Variants in B3GALT1 observed in about 807,000 individuals in gnomAD.
B3GALT1 encodes the protein UDP-Gal:betaGlcNAc beta 1,3-galactosyltransferase, polypeptide 1.
In B3GALT1, 10 loss-of-function variants were observed where a neutral mutation model predicts 23.2. The observed-to-expected ratio is 0.43, with a 90% confidence interval of 0.27 to 0.73. The LOEUF (loss-of-function observed/expected upper bound fraction) is 0.73, where lower values mean the gene tolerates loss of function less well. Among genes scored for constraint, B3GALT1 ranks in the 30% least tolerant of loss-of-function variants. The pLI is 0.21. For synonymous variants in B3GALT1, 156 were observed against 141.5 expected (o/e 1.10, Z -0.73); for missense variants, 299 against 405.4 (o/e 0.74, Z 2.25).
intron 4 of B3GALT1, among the ~76,000 whole-genome samples, chr2:167,822,946 C>A (rs1204142625): frequency 6.6e-6 from 1 of 152,192 alleles, no homozygotes; most frequent in African/African-American, 2.4e-5. Flanking sequence ...TATAGATAGA[C>A]CGCATTTCCT....
chr2:167,488,337 T>C (rs1242116641), intron 1 of B3GALT1, among the ~76,000 whole-genome samples: 1 of 152,234 alleles, frequency 6.6e-6, no homozygotes, highest in Non-Finnish European at 1.5e-5. Context: ...TCTACTTTAA[T>C]TGTCTGTTTT....
chr2:167,456,003 T>C (rs1429723139), intron 1 of B3GALT1, among the ~76,000 whole-genome samples: 1 of 152,054 alleles, frequency 6.6e-6, no homozygotes, highest in African/African-American at 2.4e-5. Context: ...AAATGAGCAG[T>C]TGGATATAAG....
chr2:167,467,522 T>C (rs1183596705), intron 1 of B3GALT1, among the ~76,000 whole-genome samples: 1 of 152,178 alleles, frequency 6.6e-6, no homozygotes, highest in Non-Finnish European at 1.5e-5. Context: ...TTTTGTTTTG[T>C]CCTGTCAGCC....
intron 2 of B3GALT1, among the ~76,000 whole-genome samples, chr2:167,545,021 G>GTTTTTTT (rs1558899469): frequency 5.1e-5 from 4 of 78,194 alleles, no homozygotes; most frequent in African/African-American, 2.3e-4. Flanking sequence ...TGGCTTGGGT[G>GTTTTTTT]TCTTTTTTTT....
rs1264021299 is a variant in B3GALT1 at position 167,873,439 on chromosome 2, CTATT to C, written c.*3422_*3425del. Reference sequence around the variant, plus strand: ...CGTGACACGATATGGGGAAAATAAACTATTTACAGAGGAGCCAAGGAAGAAGTTT... The same window carrying C: ...CGTGACACGATATGGGGAAAATAAACTACAGAGGAGCCAAGGAAGAAGTTT... On this transcript the variant is annotated 3_prime_UTR_variant, in exon 5 of 5. Coordinates refer to ENST00000392690, the MANE Select transcript of B3GALT1 (RefSeq NM_020981.4). 6.6e-6 allele frequency: 1 copy of C among 152,056 alleles called. No homozygotes were observed. The highest frequency in any genetic ancestry group is 6.5e-5 in the Admixed American group (1 of 15,274). The allele number at this position is 152,056 out of a possible 1,614,324, so 9.4% of individuals were successfully genotyped here.
intron 1 of B3GALT1, among the ~76,000 whole-genome samples, chr2:167,358,511 T>C (rs762208072): frequency 6.6e-5 from 10 of 152,292 alleles, no homozygotes; most frequent in Non-Finnish European, 1.2e-4. Flanking sequence ...TATCCAATTT[T>C]GTTGAGCATG....
intron 2 of B3GALT1, among the ~76,000 whole-genome samples, chr2:167,572,065 G>A (rs1316466044): frequency 6.6e-6 from 1 of 151,456 alleles, no homozygotes; most frequent in African/African-American, 2.4e-5. Context: ...TCTAAGTCTT[G>A]GCCAACATCA....
chr2:167,446,308 A>G (rs1698990837), intron 1 of B3GALT1, among the ~76,000 whole-genome samples: 2 of 151,830 alleles, frequency 1.3e-5, no homozygotes, highest in Non-Finnish European at 2.9e-5. Context: ...TTTTTCCTTC[A>G]CTTCAACTTT....
chr2:167,726,709 A>T (rs1687322469), intron 3 of B3GALT1, among the ~76,000 whole-genome samples: 1 of 152,216 alleles, frequency 6.6e-6, no homozygotes. Flanking sequence ...AATTAATAAC[A>T]TGTCTAATTT....
chr2:167,352,158 G>A (rs1008898257), intron 1 of B3GALT1, among the ~76,000 whole-genome samples: 2 of 148,846 alleles, frequency 1.3e-5, no homozygotes, highest in African/African-American at 5.0e-5. Flanking sequence ...TCGTAGAGAA[G>A]GGGTTTCCCC....
chr2:167,456,054 T>G (rs952302766), intron 1 of B3GALT1, among the ~76,000 whole-genome samples: 1 of 152,144 alleles, frequency 6.6e-6, no homozygotes, highest in African/African-American at 2.4e-5. Context: ...TCTGCATTGC[T>G]GTAGGGAATG....
At chr2:167,714,759 T>C in intron 3 of B3GALT1, 1 of 1,613,858 alleles carries the variant, frequency 6.2e-7, no homozygotes, top group Admixed American at 1.7e-5. Context: ...TCAAGATCTT[T>C]GGCTAGCTTT....
At chr2:167,454,636 G>T (rs1222455248) in intron 1 of B3GALT1, among the ~76,000 whole-genome samples, 1 of 152,082 alleles carries the variant, frequency 6.6e-6, no homozygotes, top group African/African-American at 2.4e-5. Context: ...CTGGAAAACT[G>T]AGTATGCTAA....
chr2:167,636,479 T>C (rs1685558640), intron 2 of B3GALT1, among the ~76,000 whole-genome samples: 1 of 152,060 alleles, frequency 6.6e-6, no homozygotes, highest in Non-Finnish European at 1.5e-5. Flanking sequence ...GCCATCCCAT[T>C]ACTGGGTATA....
At chr2:167,443,103 T>C (rs1574080590) in intron 1 of B3GALT1, among the ~76,000 whole-genome samples, 1 of 152,006 alleles carries the variant, frequency 6.6e-6, no homozygotes, top group African/African-American at 2.4e-5. Context: ...GGCTAGCCAG[T>C]TTTCCCAGCA....
chr2:167,334,021 CA>C (rs1697017375), intron 1 of B3GALT1, among the ~76,000 whole-genome samples: 2 of 151,966 alleles, frequency 1.3e-5, no homozygotes. Context: ...AACTTTTATT[CA>C]AGTTCTTTTT....
chr2:167,387,157 G>A (rs889026518), intron 1 of B3GALT1, among the ~76,000 whole-genome samples: 4 of 152,152 alleles, frequency 2.6e-5, no homozygotes, highest in African/African-American at 7.2e-5. Flanking sequence ...AAAAGATATG[G>A]TAGGCTGTCA....
intron 4 of B3GALT1, among the ~76,000 whole-genome samples, chr2:167,857,095 T>C (rs1016516211): frequency 6.6e-6 from 1 of 152,142 alleles, no homozygotes; most frequent in Non-Finnish European, 1.5e-5. Context: ...CCACCAGTTT[T>C]CTGTTGACTG....
At chr2:167,652,213 C>T (rs955299104) in intron 3 of B3GALT1, among the ~76,000 whole-genome samples, 1 of 152,180 alleles carries the variant, frequency 6.6e-6, no homozygotes, top group Admixed American at 6.5e-5. Flanking sequence ...AAGGAGAAAG[C>T]AGCCAATCTC....
Sources: gnomAD v4.1 joint callset for allele counts (sites outside exome capture counted in the v4.1 genomes callset) on GRCh38, gnomAD v4.1.1 for gene constraint, MANE v1.5 for transcripts, NCBI Gene and HGNC (gene_info 2026-07-23, HGNC 2026-07-21) for gene names.